Variants in ATP10B observed in about 807,000 individuals in gnomAD.
ATP10B encodes the protein phospholipid-transporting ATPase VB.
In ATP10B, 122 loss-of-function variants were observed where a neutral mutation model predicts 141.2. The ratio of observed to expected loss-of-function variants is 0.86; its 90% CI spans 0.75 to 1.00. The LOEUF is 1.00. Among genes scored for constraint, ATP10B ranks in the 50% least tolerant of loss-of-function variants. The probability of loss-of-function intolerance (pLI) is 0.00; values close to 1 mark genes in which losing one functional copy is unlikely to be tolerated. For synonymous variants in ATP10B, 685 were observed against 692.0 expected, an observed-to-expected ratio of 0.99 and a Z score of 0.16; for missense variants, 1,876 against 1,825.3, an observed-to-expected ratio of 1.03 and a Z score of -0.51.
At chr5:160,635,305 G>A (rs769481294) in intron 11 of ATP10B, among the ~76,000 whole-genome samples, 5 of 152,046 alleles carry the variant, frequency 3.3e-5, no homozygotes, top group African/African-American at 9.7e-5. Flanking sequence ...TGGGGGTGGC[G>A]TTTGGGGAGT....
rs1561705061 is a variant in ATP10B at position 160,653,598 on chromosome 5, C to CATATATACATATATACATATATATT, written c.676-4367_676-4343dup. 1.2e-3 allele frequency among the ~76,000 whole-genome samples: 99 copies of CATATATACATATATACATATATATT among 83,760 alleles called. 1 individual carries two copies. The highest frequency in any genetic ancestry group is 1.6e-3 in the Non-Finnish European group (75 of 47,572). 54.9% of individuals were successfully genotyped at this position (83,760 alleles called of 152,430 possible). ...ACATATATACATATATACATATATA[C>CATATATACATATATACATATATATT]ATATATACATATATACATATATATT... On this transcript the variant is annotated intron_variant, in intron 7 of 25. Transcript: ENST00000327245.
the ATP10B span, among the ~76,000 whole-genome samples, chr5:160,889,271 C>T: frequency 1.6e-4 from 25 of 152,282 alleles, no homozygotes; most frequent in Admixed American, 2.0e-4. Context: ...AGGGTTTAAC[C>T]TCTACCAGGG....
At chr5:160,697,603 G>T (rs1302725492) in intron 3 of ATP10B, among the ~76,000 whole-genome samples, 1 of 152,038 alleles carries the variant, frequency 6.6e-6, no homozygotes, top group African/African-American at 2.4e-5. Context: ...ATGCAGGGTG[G>T]GGTGGGGTGG....
chr5:160,582,696 C>T (rs911778776), intron 24 of ATP10B, among the ~76,000 whole-genome samples: 1 of 152,144 alleles, frequency 6.6e-6, no homozygotes, highest in African/African-American at 2.4e-5. Flanking sequence ...TTCCATTCTC[C>T]CCATCACTTT....
intron 1 of ATP10B, among the ~76,000 whole-genome samples, chr5:160,835,469 G>A (rs574483947): frequency 6.6e-6 from 1 of 152,220 alleles, no homozygotes; most frequent in South Asian, 2.1e-4. Context: ...AGAGCATGTT[G>A]TTCTCTGGGA....
chr5:160,639,511 G>A (rs1220479763), intron 10 of ATP10B, among the ~76,000 whole-genome samples: 1 of 152,162 alleles, frequency 6.6e-6, no homozygotes, highest in Admixed American at 6.5e-5. Context: ...AGAGATTGGG[G>A]TGGTGCACTC....
At chr5:160,827,380 G>C (rs1774696687) in intron 1 of ATP10B, among the ~76,000 whole-genome samples, 1 of 152,220 alleles carries the variant, frequency 6.6e-6, no homozygotes, top group South Asian at 2.1e-4. Flanking sequence ...ATCTAATTGT[G>C]GTTTTGATTT....
intron 1 of ATP10B, among the ~76,000 whole-genome samples, chr5:160,813,349 C>T (rs1276418982): frequency 6.6e-6 from 1 of 152,180 alleles, no homozygotes; most frequent in East Asian, 1.9e-4. Context: ...CCGCGCATGG[C>T]TTGGAGGGTC....
chr5:160,671,916 T>G (rs1034773359), intron 6 of ATP10B, among the ~76,000 whole-genome samples: 2 of 147,836 alleles, frequency 1.4e-5, no homozygotes, highest in African/African-American at 5.0e-5. Context: ...CCCTGCAGCC[T>G]CAGCCTTCCC....
chr5:160,603,886 A>G (rs1757232802), intron 20 of ATP10B, 79 bp downstream of exon 20: 1 of 1,276,480 alleles, frequency 7.8e-7, no homozygotes, highest in South Asian at 1.2e-5. Context: ...CTCAGGGAGA[A>G]GTTTCTCCAA....
chr5:160,870,953 C>A, the ATP10B span, among the ~76,000 whole-genome samples: 1 of 29,740 alleles, frequency 3.4e-5, no homozygotes, highest in African/African-American at 7.7e-5. Flanking sequence ...AAATAACCAA[C>A]AACCTACAAT....
At chr5:160,638,000 A>G (rs1378616391) in intron 10 of ATP10B, among the ~76,000 whole-genome samples, 1 of 152,212 alleles carries the variant, frequency 6.6e-6, no homozygotes, top group African/African-American at 2.4e-5. Context: ...ATGGATGAGG[A>G]GGACTTGAGG....
chr5:160,921,399 T>C, the ATP10B span, among the ~76,000 whole-genome samples: 1 of 152,228 alleles, frequency 6.6e-6, no homozygotes, highest in African/African-American at 2.4e-5. Flanking sequence ...TTTTTAAGTG[T>C]ACAGTTTGTG....
chr5:160,744,792 C>G (rs953398078), intron 2 of ATP10B, among the ~76,000 whole-genome samples: 6 of 152,164 alleles, frequency 3.9e-5, no homozygotes, highest in African/African-American at 1.4e-4. Context: ...TATGTTAAGT[C>G]TCCGTAGATA....
chr5:160,854,468 C>T (rs1416590040), upstream of ATP10B, among the ~76,000 whole-genome samples: 2 of 152,102 alleles, frequency 1.3e-5, no homozygotes, highest in Non-Finnish European at 2.9e-5. Flanking sequence ...TGATGGCTTC[C>T]AGCTTCATCC....
At chr5:160,863,400 G>A in the ATP10B span, among the ~76,000 whole-genome samples, 2 of 151,806 alleles carry the variant, frequency 1.3e-5, no homozygotes, top group Admixed American at 1.3e-4. Flanking sequence ...GGAGGAGAGG[G>A]CATGTGTTAA....
the ATP10B span, among the ~76,000 whole-genome samples, chr5:160,913,542 ATCT>A: frequency 1.6e-4 from 24 of 152,140 alleles, no homozygotes; most frequent in African/African-American, 5.8e-4. Context: ...TCCATCCATT[ATCT>A]TCTTCACCTC....
At chr5:160,643,993 C>T in intron 9 of ATP10B, 145 bp downstream of exon 9, 2 of 654,030 alleles carry the variant, frequency 3.1e-6, no homozygotes, top group African/African-American at 1.8e-5. Flanking sequence ...TTCCCAGCCT[C>T]CGTTTGCTTA....
intron 2 of ATP10B, among the ~76,000 whole-genome samples, chr5:160,736,491 T>A (rs1038597951): frequency 6.6e-6 from 1 of 152,146 alleles, no homozygotes; most frequent in African/African-American, 2.4e-5. Context: ...AGGCCAGGCA[T>A]GGTGGCTCAC....
Sources: allele counts gnomAD v4.1 joint callset (sites outside exome capture counted in the v4.1 genomes callset), GRCh38; gene constraint gnomAD v4.1.1; transcripts MANE v1.5; gene names NCBI Gene and HGNC (gene_info 2026-07-23, HGNC 2026-07-21).